The following SPG7 variants were observed in gnomAD, a reference collection of about 807,000 sequenced individuals.
SPG7 encodes mitochondrial inner membrane m-AAA protease component paraplegin.
SPG7 carries 103 observed loss-of-function variants against 81.9 expected under a neutral mutation model. That is an observed-to-expected ratio of 1.26 (90% CI 1.07 to 1.48). The LOEUF is 1.48. Among genes scored for constraint, SPG7 ranks in the 40% most tolerant of loss-of-function variants. The pLI is 0.00. For missense variants in SPG7, 1,241 were observed against 1,087.3 expected (o/e 1.14, Z -1.99); for synonymous variants, 534 against 444.2 (o/e 1.20, Z -2.54).
chr16:89,510,487 CAG>C lies in SPG7; in HGVS notation c.184_185del, dbSNP rs2058003083. ...TCCAGTATTGTTTTTTTTTTTTTTT[CAG>C]AGCTTACAATTGAGACTGCTAACCC... is the stretch of plus-strand genomic sequence containing the variant. On this transcript the variant is annotated splice_acceptor_variant, in intron 1 of 16. Transcript: ENST00000645818. LOFTEE classifies it high-confidence loss of function. The C allele has an allele frequency of 1.9e-6, 2 of 1,063,646 alleles. No homozygotes were observed. The highest frequency in any genetic ancestry group is 2.7e-5 in the East Asian group (1 of 36,558). 65.9% of individuals were successfully genotyped at this position (1,063,646 alleles called of 1,614,324 possible).
At position 89,512,067 on chromosome 16, in the gene SPG7, A is replaced by G. The variant is rs990165280; in HGVS notation, c.287-881A>G. 1.3e-4 allele frequency among the ~76,000 whole-genome samples: 19 copies of G among 151,958 alleles called. 4 individuals are homozygous for G. The highest frequency in any genetic ancestry group is 6.6e-4 in the Admixed American group (10 of 15,250). ...GCTGGGATTACAGGTGCCCGCCACT[A>G]TGCCCGGCTAATTTTTTGTATTTTT... On this transcript the variant is annotated intron_variant, in intron 2 of 16. Coordinates refer to ENST00000645818, the MANE Select transcript of SPG7 (RefSeq NM_003119.4).
intron 9 of SPG7, chr16:89,537,667 A>G (rs1235277786): frequency 9.3e-6 from 9 of 966,186 alleles, no homozygotes; most frequent in Non-Finnish European, 8.6e-6. Flanking sequence ...GGCTTGAGTC[A>G]CCATGCCAGG....
Position 89,532,635 on chromosome 16 carries a change from T to C in SPG7, c.1323T>C (p.Asp441=), listed in dbSNP as rs774301912. 3 of 1,613,338 alleles carry C rather than the reference T, an allele frequency of 1.9e-6. No individual in the cohort carries two copies. ...TCAACCAGCTTCTGGTAGAAATGGA[T>C]GGTCAGTGCTCGTGCGCCCCGCACC... ...QTLNQLLVEM[D]GMGTTDHVIV... is the part of the protein sequence containing the mutation. The change falls in exon 9 of 17, where the codon GAT becomes GAC. Residue 441 remains aspartate, a splice_region_variant and synonymous_variant. Transcript: ENST00000645818.
intron 5 of SPG7, chr16:89,526,735 T>TGAAGTCTAAGCCCCTGATGTAGATGCC (rs2058266003): frequency 7.1e-6 from 3 of 424,188 alleles, no homozygotes; most frequent in Non-Finnish European, 1.3e-5. Context: ...TGTAGGATGC[T>TGAAGTCTAAGCCCCTGATGTAGATGCC]GAAGTCTAAG....
At chr16:89,513,824 C>T (rs2058054298) in intron 3 of SPG7, among the ~76,000 whole-genome samples, 1 of 152,206 alleles carries the variant, frequency 6.6e-6, no homozygotes, top group African/African-American at 2.4e-5. Flanking sequence ...CCTTGGAAGG[C>T]GAGTGAGGAA....
chr16:89,556,099 C>T lies in SPG7; in HGVS notation c.2182-788C>T, dbSNP rs149341743. On this transcript the variant is annotated intron_variant, in intron 16 of 16. Transcript: ENST00000645818. The stretch of plus-strand genomic sequence containing the variant: ...GCAAAGCTGCAGGCAAGGCTTCTCA[C>T]TGGCTGAGGAGTGGTGTGTCTGCCC... The T allele has an allele frequency of 1.5e-3, 618 of 398,852 alleles. 4 individuals are homozygous for T. Among genetic ancestry groups the T allele is most frequent in the African/African-American group, 0.012 (578 of 48,772 alleles). 24.7% of individuals were successfully genotyped at this position (398,852 alleles called of 1,614,324 possible).
At chr16:89,555,456 A>C (rs2058677661) in intron 16 of SPG7, 1 of 160,136 alleles carries the variant, frequency 6.2e-6, no homozygotes, top group Non-Finnish European at 1.4e-5. Context: ...GCTCCCGTGG[A>C]GGCCCCCATG....
intron 10 of SPG7, 61 bp from the exon 11 acceptor site, chr16:89,546,597 C>A: frequency 9.1e-7 from 1 of 1,101,202 alleles, no homozygotes; most frequent in Non-Finnish European, 1.4e-6. Context: ...GACAAACATG[C>A]CGCACCTGTG....
intron 16 of SPG7, chr16:89,556,220 A>T: frequency 2.5e-6 from 1 of 399,362 alleles, no homozygotes; most frequent in East Asian, 3.6e-5. Flanking sequence ...GTCTCTTGCA[A>T]TACAGCCACA....
At chr16:89,556,343 C>G in intron 16 of SPG7, 1 of 349,886 alleles carries the variant, frequency 2.9e-6, no homozygotes. Flanking sequence ...AGAGTTCTGC[C>G]TTCACAGAAA....
At chr16:89,548,502 C>A in intron 12 of SPG7, 1 of 302,600 alleles carries the variant, frequency 3.3e-6, no homozygotes, top group Non-Finnish European at 6.4e-6. Flanking sequence ...GGCCGGAGGG[C>A]TGCTGCCGCC....
At chr16:89,524,524 A>G (rs2058236319) in intron 4 of SPG7, among the ~76,000 whole-genome samples, 2 of 152,130 alleles carry the variant, frequency 1.3e-5, no homozygotes, top group African/African-American at 4.8e-5. Context: ...GCTCACTGCA[A>G]CATCTGCCTC....
Position 89,550,595 on chromosome 16 carries a change from G to A in SPG7, c.1765G>A (p.Glu589Lys). 2 of 1,613,318 alleles carry A rather than the reference G, an allele frequency of 1.2e-6. No individual in the cohort carries two copies. Among genetic ancestry groups the A allele is most frequent in the Non-Finnish European group, 1.7e-6 (2 of 1,179,576 alleles). The change falls in exon 13 of 17, where the codon GAG (glutamate) becomes AAG (lysine). Residue 589 changes from glutamate to lysine, a missense_variant. Coordinates refer to ENST00000645818, the MANE Select transcript of SPG7 (RefSeq NM_003119.4). ...ALVGWMLEHT[E>K]AVMKVSITPR... is the part of the protein sequence containing the mutation. ...GGTGGGCTGGATGCTGGAGCACACG[G>A]AGGCCGTGATGAAGGTGGGTCTTGG...
chr16:89,537,326 GC>G, intron 9 of SPG7: 2 of 1,203,394 alleles, frequency 1.7e-6, no homozygotes, highest in Non-Finnish European at 2.1e-6. Context: ...TGGAGGCACC[GC>G]CGGCGATGGA....
At chr16:89,519,977 G>A (rs1158020585) in intron 3 of SPG7, 1 of 152,238 alleles carries the variant, frequency 6.6e-6, no homozygotes, top group East Asian at 1.9e-4. Flanking sequence ...TTTCCTCGAA[G>A]AGGGATTTTG....
chr16:89,557,192 G>A lies in SPG7; in HGVS notation c.*99G>A, dbSNP rs953663004. ...AGCTGAGGTTTGCACTTCCTCTCGC[G>A]GCCCTCAGTAGTCCCTGCACAGTGA... On this transcript the variant is annotated 3_prime_UTR_variant, in exon 17 of 17. Transcript: ENST00000645818. 18 of 802,932 alleles carry A rather than the reference G, an allele frequency of 2.2e-5. No individual in the cohort carries two copies. Among genetic ancestry groups the A allele is most frequent in the Admixed American group, 1.6e-4 (8 of 48,800 alleles). 49.7% of individuals were successfully genotyped at this position (802,932 alleles called of 1,614,324 possible). A position where few individuals can be genotyped will look rare whatever the true frequency, so the allele number is the denominator to read the frequency against.
intron 3 of SPG7, chr16:89,523,033 C>T (rs577620149): frequency 2.6e-5 from 4 of 154,504 alleles, no homozygotes; most frequent in Admixed American, 1.9e-4. Context: ...CACCTGTCCA[C>T]CTCCCCTCGA....
chr16:89,526,488 T>C lies in SPG7; in HGVS notation c.758+20T>C. ...TGGAAAGTATGTTGGATGTATTTGT[T>C]GATGCTTGAACTAAACCTAACTTGG... On this transcript the variant is annotated intron_variant, in intron 5 of 16. Coordinates refer to ENST00000645818, the MANE Select transcript of SPG7 (RefSeq NM_003119.4). 6.2e-7 allele frequency: 1 copy of C among 1,614,080 alleles called. No individual in the cohort carries two copies. Among genetic ancestry groups the C allele is most frequent in the South Asian group, 1.1e-5 (1 of 91,080 alleles).
chr16:89,508,696 G>A, intron 1 of SPG7, 96 bp downstream of exon 1: 1 of 1,259,126 alleles, frequency 7.9e-7, no homozygotes, highest in Non-Finnish European at 1.1e-6. Context: ...TGGCCCCTGC[G>A]GCGGGGGAGC....
Sources: gnomAD v4.1 joint callset for allele counts (sites outside exome capture counted in the v4.1 genomes callset) on GRCh38, gnomAD v4.1.1 for gene constraint, MANE v1.5 for transcripts, NCBI Gene and HGNC (gene_info 2026-07-23, HGNC 2026-07-21) for gene names.